Variants in ADAM32 observed in about 807,000 individuals in gnomAD.
The protein encoded by ADAM32 is disintegrin and metalloproteinase domain-containing protein 32.
Under a neutral mutation model 114.9 loss-of-function variants are expected in ADAM32, and 89 were observed. The observed-to-expected ratio is 0.77, with a 90% CI of 0.65 to 0.92. The LOEUF (loss-of-function observed/expected upper bound fraction) is 0.92, where lower values mean the gene tolerates loss of function less well. ADAM32 is among the 40% of genes least tolerant of loss of function. The pLI is 0.00. For synonymous variants in ADAM32, 285 were observed against 307.5 expected (o/e 0.93, Z 0.77); for missense variants, 870 against 932.8 (o/e 0.93, Z 0.88).
chr8:39,252,444 C>G (rs748564359), intron 17 of ADAM32, among the ~76,000 whole-genome samples: 5 of 148,206 alleles, frequency 3.4e-5, no homozygotes, highest in Non-Finnish European at 7.5e-5. Context: ...AAAAACAGTA[C>G]TAAAGGGAAA....
intron 13 of ADAM32, among the ~76,000 whole-genome samples, 166 bp downstream of exon 13, chr8:39,221,868 A>G (rs937865747): frequency 1.3e-5 from 2 of 152,042 alleles, no homozygotes; most frequent in Non-Finnish European, 2.9e-5. Context: ...AACTTTTCTT[A>G]GGTGTTCTAT....
chr8:39,148,624 T>G (rs1013072774), intron 4 of ADAM32, among the ~76,000 whole-genome samples: 4 of 152,178 alleles, frequency 2.6e-5, no homozygotes, highest in Non-Finnish European at 5.9e-5. Flanking sequence ...TATTTACTGA[T>G]GTAACACCAG....
chr8:39,219,974 A>AG (rs1808839695), intron 12 of ADAM32, among the ~76,000 whole-genome samples: 1 of 152,142 alleles, frequency 6.6e-6, no homozygotes, highest in African/African-American at 2.4e-5. Context: ...CAATTGGTCA[A>AG]GTGTTAAATT....
intron 19 of ADAM32, 150 bp downstream of exon 19, chr8:39,257,493 G>A (rs1585662188): frequency 1.2e-5 from 12 of 1,016,618 alleles, no homozygotes; most frequent in Non-Finnish European, 1.5e-5. Flanking sequence ...TGAGGTAGCT[G>A]TGAATACCCA....
In ADAM32 at chr8:39,120,409, T is replaced by C. The variant is rs540577243; in HGVS notation, c.138+2244T>C. On this transcript the variant is annotated intron_variant, in intron 2 of 24. Coordinates refer to ENST00000379907, the MANE Select transcript of ADAM32 (RefSeq NM_145004.7). ...AGACTTATAGAGAAAGCTTTTATCG[T>C]CTTAGGGAATATACATATCATTATG... Among the ~76,000 whole-genome samples, 9 of 152,128 alleles carry C rather than the reference T, an allele frequency of 5.9e-5. 1 individual carries two copies. The South Asian group carries it at 1.9e-3, about 31-fold the overall frequency.
chr8:39,261,669 A>G (rs1812038327), intron 19 of ADAM32, among the ~76,000 whole-genome samples: 1 of 151,836 alleles, frequency 6.6e-6, no homozygotes, highest in Non-Finnish European at 1.5e-5. Flanking sequence ...TTATATTCCC[A>G]TCAACAGTGT....
intron 19 of ADAM32, among the ~76,000 whole-genome samples, chr8:39,262,279 C>T (rs1161112696): frequency 6.6e-6 from 1 of 151,392 alleles, no homozygotes; most frequent in East Asian, 1.9e-4. Context: ...ATCCAGTTTT[C>T]CCCAGGGCTA....
At chr8:39,194,988 C>G (rs1235689113) in intron 11 of ADAM32, among the ~76,000 whole-genome samples, 2 of 152,172 alleles carry the variant, frequency 1.3e-5, no homozygotes, top group Non-Finnish European at 1.5e-5. Flanking sequence ...GCTGGGATTC[C>G]AGGGGCCTGT....
chr8:39,273,442 G>A (rs1324211428), intron 20 of ADAM32, among the ~76,000 whole-genome samples: 1 of 152,092 alleles, frequency 6.6e-6, no homozygotes, highest in Non-Finnish European at 1.5e-5. Flanking sequence ...CAGGAGAATC[G>A]CTTGAGCCCA....
chr8:39,108,982 AC>A (rs1172650005), intron 1 of ADAM32, among the ~76,000 whole-genome samples: 3 of 152,070 alleles, frequency 2.0e-5, no homozygotes, highest in South Asian at 4.1e-4. Flanking sequence ...TATGCCTAAA[AC>A]CCTGATTACC....
intron 19 of ADAM32, among the ~76,000 whole-genome samples, chr8:39,266,841 C>CT (rs565232294): frequency 2.5e-3 from 380 of 152,310 alleles, no homozygotes; most frequent in Non-Finnish European, 4.7e-3. Flanking sequence ...TTTACATTCT[C>CT]TGATACCTTA....
At chr8:39,187,149 C>T (rs2129447204) in intron 11 of ADAM32, 104 bp downstream of exon 11, 1 of 950,708 alleles carries the variant, frequency 1.1e-6, no homozygotes, top group South Asian at 2.1e-5. Flanking sequence ...TATCAATGGA[C>T]CAAATTCACC....
intron 16 of ADAM32, among the ~76,000 whole-genome samples, chr8:39,241,786 C>T (rs1245870980): frequency 2.0e-5 from 3 of 152,242 alleles, no homozygotes; most frequent in Admixed American, 1.3e-4. Flanking sequence ...CTCTGACATG[C>T]CCTGGAGACA....
chr8:39,169,050 A>G (rs1224748390), intron 9 of ADAM32: 1 of 152,250 alleles, frequency 6.6e-6, no homozygotes, highest in Non-Finnish European at 1.5e-5. Flanking sequence ...AAACAATATC[A>G]GAGAGACAGA....
chr8:39,164,941 G>A, intron 8 of ADAM32, 89 bp from the exon 9 acceptor site: 3 of 1,490,154 alleles, frequency 2.0e-6, no homozygotes, highest in Non-Finnish European at 1.8e-6. Context: ...TATAAACTGA[G>A]TGTGGGATTG....
intron 16 of ADAM32, among the ~76,000 whole-genome samples, chr8:39,241,157 A>G (rs150167893): frequency 0.052 from 7,950 of 152,308 alleles, 714 homozygotes; most frequent in African/African-American, 0.18. Flanking sequence ...CTTTGACTCC[A>G]TGTCTCACAT....
At position 39,193,022 on chromosome 8, in the gene ADAM32, G is replaced by A. The variant is rs549206512; in HGVS notation, c.1052+5977G>A. Reference sequence around the variant, plus strand: ...GAATAATTTTCTTGTGAAGCATATTGTGGAGGTTCTCTGGATTTCTTGAAT... The same window carrying A: ...GAATAATTTTCTTGTGAAGCATATTATGGAGGTTCTCTGGATTTCTTGAAT... On this transcript the variant is annotated intron_variant, in intron 11 of 24. Coordinates refer to ENST00000379907, the MANE Select transcript of ADAM32 (RefSeq NM_145004.7). 2.0e-5 allele frequency among the ~76,000 whole-genome samples: 3 copies of A among 152,208 alleles called. No homozygotes were observed. In the East Asian group the frequency reaches 5.8e-4, roughly 29 times the overall value.
intron 11 of ADAM32, among the ~76,000 whole-genome samples, chr8:39,197,376 G>GT (rs1000787521): frequency 2.5e-4 from 38 of 151,232 alleles, no homozygotes; most frequent in African/African-American, 7.0e-4. Context: ...TTTGGGTTTG[G>GT]TTTTTTCTTG....
At chr8:39,201,062 C>T (rs565408591) in intron 11 of ADAM32, among the ~76,000 whole-genome samples, 1 of 152,234 alleles carries the variant, frequency 6.6e-6, no homozygotes, top group Non-Finnish European at 1.5e-5. Context: ...TAGCGTGATG[C>T]CTCCAGCTTT....
Sources: allele counts gnomAD v4.1 joint callset (sites outside exome capture counted in the v4.1 genomes callset), GRCh38; gene constraint gnomAD v4.1.1; transcripts MANE v1.5; gene names NCBI Gene and HGNC (gene_info 2026-07-23, HGNC 2026-07-21).